Variants in ST6GALNAC3 observed in about 807,000 individuals in gnomAD.
ST6GALNAC3 encodes alpha-N-acetylgalactosaminide alpha-2,6-sialyltransferase 3.
A neutral mutation model predicts 32.7 loss-of-function variants in ST6GALNAC3; 25 were observed. The ratio of observed to expected loss-of-function variants is 0.76; its 90% CI spans 0.56 to 1.07. ST6GALNAC3 has a LOEUF of 1.07. Ranked by LOEUF, ST6GALNAC3 falls within the 50% of genes least tolerant of loss-of-function variation. ST6GALNAC3 has a pLI of 0.00. For synonymous variants in ST6GALNAC3, 129 were observed against 133.1 expected (o/e 0.97, Z 0.21); for missense variants, 355 against 382.4 (o/e 0.93, Z 0.60).
At chr1:76,239,656 C>G (rs1039595457) in intron 1 of ST6GALNAC3, among the ~76,000 whole-genome samples, 1 of 152,266 alleles carries the variant, frequency 6.6e-6, no homozygotes. Flanking sequence ...AAGCCATTCA[C>G]GAGAGATCTT....
At chr1:76,151,428 T>C (rs779491115) in intron 1 of ST6GALNAC3, among the ~76,000 whole-genome samples, 2 of 152,192 alleles carry the variant, frequency 1.3e-5, no homozygotes, top group Non-Finnish European at 2.9e-5. Flanking sequence ...TAGAAAGGCA[T>C]ACAAATCACC....
chr1:76,446,285 C>A (rs1053936609), intron 3 of ST6GALNAC3, among the ~76,000 whole-genome samples: 2 of 152,078 alleles, frequency 1.3e-5, no homozygotes, highest in Non-Finnish European at 2.9e-5. Flanking sequence ...TATCAACATC[C>A]ATTACTAGAG....
At chr1:76,138,406 C>T (rs1013326144) in intron 1 of ST6GALNAC3, among the ~76,000 whole-genome samples, 3 of 151,686 alleles carry the variant, frequency 2.0e-5, no homozygotes, top group Admixed American at 6.6e-5. Context: ...TTGATATTGC[C>T]AGCCTGCTCC....
At chr1:76,567,475 T>C (rs532964461) in intron 3 of ST6GALNAC3, among the ~76,000 whole-genome samples, 2 of 152,326 alleles carry the variant, frequency 1.3e-5, no homozygotes, top group Non-Finnish European at 2.9e-5. Context: ...CTAAATGAAG[T>C]ACTAAAACTA....
At chr1:76,403,785 C>T (rs1269687732) in intron 2 of ST6GALNAC3, among the ~76,000 whole-genome samples, 2 of 151,934 alleles carry the variant, frequency 1.3e-5, no homozygotes, top group East Asian at 3.9e-4. Context: ...GATCATCCTC[C>T]TGAAAGGAGA....
chr1:76,162,011 A>G (rs564834011), intron 1 of ST6GALNAC3, among the ~76,000 whole-genome samples: 21 of 152,320 alleles, frequency 1.4e-4, no homozygotes, highest in Admixed American at 1.2e-3. Flanking sequence ...TTGGCACTCA[A>G]ATTGGGGACA....
At chr1:76,085,456 G>A (rs1646952111) in intron 1 of ST6GALNAC3, among the ~76,000 whole-genome samples, 1 of 152,180 alleles carries the variant, frequency 6.6e-6, no homozygotes, top group Non-Finnish European at 1.5e-5. Flanking sequence ...TGAGCATAGA[G>A]CTAAATACGG....
At chr1:76,571,674 C>A (rs543065083) in intron 3 of ST6GALNAC3, among the ~76,000 whole-genome samples, 54 of 152,080 alleles carry the variant, frequency 3.6e-4, no homozygotes, top group Non-Finnish European at 7.1e-4. Context: ...TTTCCTATGC[C>A]TGAGTGAGTT....
At chr1:76,105,969 C>A (rs1203168519) in intron 1 of ST6GALNAC3, among the ~76,000 whole-genome samples, 2 of 152,106 alleles carry the variant, frequency 1.3e-5, no homozygotes, top group Non-Finnish European at 2.9e-5. Flanking sequence ...AGAGTATAAG[C>A]TTTGGAGTCG....
At chr1:76,539,341 G>A (rs557514899) in intron 3 of ST6GALNAC3, among the ~76,000 whole-genome samples, 22 of 152,024 alleles carry the variant, frequency 1.4e-4, no homozygotes, top group African/African-American at 3.1e-4. Context: ...GGACTCCTTC[G>A]TTACACTTTA....
intron 1 of ST6GALNAC3, among the ~76,000 whole-genome samples, chr1:76,302,898 C>T (rs1660810415): frequency 6.6e-6 from 1 of 151,912 alleles, no homozygotes. Context: ...GTACACTCCA[C>T]AGGGTGGGAG....
intron 3 of ST6GALNAC3, among the ~76,000 whole-genome samples, chr1:76,427,521 A>G (rs189133055): frequency 1.3e-5 from 2 of 152,112 alleles, no homozygotes; most frequent in Non-Finnish European, 2.9e-5. Flanking sequence ...ATGGAAAAAT[A>G]AAAAAATTAA....
At chr1:76,327,703 C>T (rs74710886) in intron 2 of ST6GALNAC3, among the ~76,000 whole-genome samples, 1 of 152,168 alleles carries the variant, frequency 6.6e-6, no homozygotes, top group Admixed American at 6.5e-5. Flanking sequence ...AATTCTCCTG[C>T]CTCAGCTTCC....
At chr1:76,626,338 A>C (rs1010135872) in intron 3 of ST6GALNAC3, among the ~76,000 whole-genome samples, 1 of 151,918 alleles carries the variant, frequency 6.6e-6, no homozygotes, top group African/African-American at 2.4e-5. Context: ...CTACACAGCT[A>C]TCAAACAAAT....
rs563948365 is a variant in ST6GALNAC3 at position 76,578,236 on chromosome 1, A to G, written c.624-49216A>G. ...CTATTGGTAAAACACTTACATCTGCAATAATCTGCCACTTTCTTGAAACAT... is the reference window on the plus strand; with the variant it reads ...CTATTGGTAAAACACTTACATCTGCGATAATCTGCCACTTTCTTGAAACAT... On this transcript the variant is annotated intron_variant, in intron 3 of 4. Coordinates refer to ENST00000328299, the MANE Select transcript of ST6GALNAC3 (RefSeq NM_152996.4). 1.6e-4 allele frequency among the ~76,000 whole-genome samples: 24 copies of G among 152,198 alleles called. No individual in the cohort carries two copies. In the South Asian group the frequency reaches 5.0e-3, roughly 32 times the overall value.
rs963646511 is a variant in ST6GALNAC3 at position 76,320,057 on chromosome 1, T to C, written c.213+6058T>C. Among the ~76,000 whole-genome samples the C allele has an allele frequency of 5.3e-5, 8 of 152,228 alleles. No homozygotes were observed. The East Asian group carries it at 7.7e-4, about 15-fold the overall frequency. On this transcript the variant is annotated intron_variant, in intron 2 of 4. Transcript: ENST00000328299. The stretch of plus-strand genomic sequence containing the variant: ...AATGACCATATCTCCAGACAATCTA[T>C]GAGTGCCAGATGAGAAGGACAGATG...
intron 1 of ST6GALNAC3, among the ~76,000 whole-genome samples, chr1:76,298,024 CA>C (rs1333379935): frequency 6.6e-6 from 1 of 151,858 alleles, no homozygotes; most frequent in Admixed American, 6.6e-5. Context: ...TGGAATTTAT[CA>C]AGAACCACAA....
At chr1:76,168,722 C>A (rs758222366) in intron 1 of ST6GALNAC3, among the ~76,000 whole-genome samples, 1 of 152,008 alleles carries the variant, frequency 6.6e-6, no homozygotes, top group Non-Finnish European at 1.5e-5. Context: ...ATATGTAATG[C>A]CCTTCTTTGT....
chr1:76,541,399 A>G (rs528237180), intron 3 of ST6GALNAC3, among the ~76,000 whole-genome samples: 39 of 152,290 alleles, frequency 2.6e-4, no homozygotes, highest in African/African-American at 9.1e-4. Flanking sequence ...CAGCCCAAGT[A>G]TCTGATCTTT....
Sources: gnomAD v4.1 joint callset for allele counts (sites outside exome capture counted in the v4.1 genomes callset) on GRCh38, gnomAD v4.1.1 for gene constraint, MANE v1.5 for transcripts, NCBI Gene and HGNC (gene_info 2026-07-23, HGNC 2026-07-21) for gene names.